The following TEKTL1 variants were observed in gnomAD, a reference collection of about 807,000 sequenced individuals.
The protein encoded by TEKTL1 is tektin-like protein 1.
At chr19:15,011,099 G>A in the TEKTL1 span, 1 of 1,566,822 alleles carries the variant, frequency 6.4e-7, no homozygotes, top group East Asian at 2.3e-5. Context: ...GCCAGGCGAG[G>A]GCGTCACGCT....
the TEKTL1 span, chr19:15,021,440 T>A: frequency 4.3e-6 from 7 of 1,614,158 alleles, no homozygotes; most frequent in Non-Finnish European, 5.9e-6. Context: ...GAGGTGGACG[T>A]CCGGGAGCAA....
At chr19:15,015,180 C>A in the TEKTL1 span, among the ~76,000 whole-genome samples, 2 of 152,114 alleles carry the variant, frequency 1.3e-5, no homozygotes, top group Non-Finnish European at 1.5e-5. Context: ...GAGGAAGACC[C>A]TGTCTCTGTG....
the TEKTL1 span, chr19:15,021,801 A>C: frequency 6.2e-7 from 1 of 1,613,876 alleles, no homozygotes; most frequent in Non-Finnish European, 8.5e-7. Flanking sequence ...ACCGCACCCC[A>C]CCAGGGTCCT....
chr19:15,021,741 T>A, the TEKTL1 span: 2 of 1,612,334 alleles, frequency 1.2e-6, no homozygotes, highest in Non-Finnish European at 1.7e-6. Flanking sequence ...CCTTCGGGGG[T>A]GGAGGCAGGG....
the TEKTL1 span, chr19:15,013,631 C>T: frequency 6.8e-7 from 1 of 1,460,464 alleles, no homozygotes; most frequent in Non-Finnish European, 9.6e-7. Context: ...TCTTCCCAGC[C>T]CTTTCTTAAC....
the TEKTL1 span, among the ~76,000 whole-genome samples, chr19:15,020,966 G>T: frequency 2.0e-5 from 3 of 149,340 alleles, no homozygotes; most frequent in African/African-American, 7.4e-5. Context: ...TGCAACCTCC[G>T]CCTCCCAGGT....
At chr19:15,019,817 G>C in the TEKTL1 span, among the ~76,000 whole-genome samples, 2 of 151,528 alleles carry the variant, frequency 1.3e-5, no homozygotes, top group African/African-American at 4.9e-5. Context: ...GTGAGACCCT[G>C]TCTTTACAAA....
chr19:15,013,338 G>A, the TEKTL1 span, among the ~76,000 whole-genome samples: 1 of 152,150 alleles, frequency 6.6e-6, no homozygotes, highest in South Asian at 2.1e-4. Context: ...CCATCACTGA[G>A]GAAGGGGTGC....
the TEKTL1 span, among the ~76,000 whole-genome samples, chr19:15,012,748 CA>C: frequency 2.0e-5 from 3 of 151,858 alleles, no homozygotes; most frequent in Admixed American, 6.6e-5. Flanking sequence ...AAAATCTCCC[CA>C]AAAAGTAAAA....
At chr19:15,022,796 C>T in the TEKTL1 span, 2 of 1,449,496 alleles carry the variant, frequency 1.4e-6, no homozygotes, top group Non-Finnish European at 1.9e-6. Flanking sequence ...TACACACACA[C>T]CTGGCGCAGG....
the TEKTL1 span, chr19:15,023,076 C>G: frequency 6.2e-7 from 1 of 1,609,034 alleles, no homozygotes; most frequent in Non-Finnish European, 8.5e-7. Context: ...GACTGGGACC[C>G]GCGCACGCCG....
chr19:15,010,982 G>C, the TEKTL1 span: 3 of 1,593,428 alleles, frequency 1.9e-6, no homozygotes, highest in South Asian at 3.4e-5. Context: ...CAAGGACAGC[G>C]TGCTGGACCC....
At chr19:15,021,898 G>A in the TEKTL1 span, 4 of 1,613,772 alleles carry the variant, frequency 2.5e-6, no homozygotes, top group South Asian at 3.3e-5. Flanking sequence ...CCCAACTCCC[G>A]GAGGCTGCGC....
chr19:15,010,791 G>A, the TEKTL1 span: 30 of 1,494,406 alleles, frequency 2.0e-5, no homozygotes, highest in Non-Finnish European at 2.6e-5. Context: ...CTCCGCCTAG[G>A]GTTCCCGGCC....
At chr19:15,021,740 G>T in the TEKTL1 span, 1 of 1,612,578 alleles carries the variant, frequency 6.2e-7, no homozygotes, top group African/African-American at 1.3e-5. Flanking sequence ...GCCTTCGGGG[G>T]TGGAGGCAGG....
At chr19:15,023,274 G>T in the TEKTL1 span, 12 of 683,346 alleles carry the variant, frequency 1.8e-5, no homozygotes, top group Non-Finnish European at 2.9e-5. Context: ...TAATTATCAT[G>T]TATTAGGCAC....
the TEKTL1 span, among the ~76,000 whole-genome samples, chr19:15,018,101 C>A: frequency 6.6e-6 from 1 of 152,122 alleles, no homozygotes; most frequent in Non-Finnish European, 1.5e-5. Flanking sequence ...AATCCATATC[C>A]CAGCACTTTG....
At chr19:15,016,902 C>G in the TEKTL1 span, among the ~76,000 whole-genome samples, 1 of 152,156 alleles carries the variant, frequency 6.6e-6, no homozygotes, top group Non-Finnish European at 1.5e-5. Flanking sequence ...AATTTATCAA[C>G]TCCTTAACAA....
the TEKTL1 span, chr19:15,020,779 G>T: frequency 1.2e-6 from 1 of 804,932 alleles, no homozygotes; most frequent in Non-Finnish European, 2.0e-6. Context: ...TCAATGGGAG[G>T]ACTGAAAGCC....
Sources: gnomAD v4.1 joint callset for allele counts (sites outside exome capture counted in the v4.1 genomes callset) on GRCh38, gnomAD v4.1.1 for gene constraint, MANE v1.5 for transcripts, NCBI Gene and HGNC (gene_info 2026-07-23, HGNC 2026-07-21) for gene names.